The following CDH17 variants were observed in gnomAD, a reference collection of about 807,000 sequenced individuals.
CDH17 encodes the protein cadherin-17.
Under a neutral mutation model 86.3 loss-of-function variants are expected in CDH17, and 67 were observed. The ratio of observed to expected loss-of-function variants is 0.78; its 90% CI spans 0.64 to 0.95. The LOEUF (loss-of-function observed/expected upper bound fraction) is 0.95, where lower values mean the gene tolerates loss of function less well. Among genes scored for constraint, CDH17 ranks in the 40% least tolerant of loss-of-function variants. The pLI, the probability that CDH17 is intolerant of heterozygous loss-of-function variation, is 0.00. For synonymous variants in CDH17, 367 were observed against 366.4 expected (o/e 1.00, Z -0.02); for missense variants, 993 against 1,017.6 (o/e 0.98, Z 0.33).
intron 2 of CDH17, among the ~76,000 whole-genome samples, chr8:94,191,934 C>G (rs1198469492): frequency 6.6e-6 from 1 of 152,196 alleles, no homozygotes; most frequent in African/African-American, 2.4e-5. Context: ...GGACAGATGT[C>G]CAGGTACCAC....
At chr8:94,162,229 CAAGAAAAT>C in intron 10 of CDH17, 67 bp from the exon 11 acceptor site, 1 of 1,030,062 alleles carries the variant, frequency 9.7e-7, no homozygotes, top group Non-Finnish European at 1.5e-6. Flanking sequence ...CAGAAATCTG[CAAGAAAAT>C]ACTTGGCAAG....
intron 10 of CDH17, among the ~76,000 whole-genome samples, chr8:94,162,871 G>C (rs930334838): frequency 6.6e-6 from 1 of 152,190 alleles, no homozygotes; most frequent in Non-Finnish European, 1.5e-5. Context: ...CTGGGGGAGA[G>C]AGAACAAGAG....
chr8:94,200,929 C>T (rs1260746384), intron 1 of CDH17, among the ~76,000 whole-genome samples: 1 of 152,106 alleles, frequency 6.6e-6, no homozygotes, highest in African/African-American at 2.4e-5. Flanking sequence ...TAATATACCT[C>T]TTAAAGATGA....
At position 94,203,482 on chromosome 8, in the gene CDH17, C is replaced by T. The variant is rs528980748; in HGVS notation, c.-21+5001G>A. Among the ~76,000 whole-genome samples, 13 of 152,142 alleles carry T rather than the reference C, an allele frequency of 8.5e-5. 1 individual carries two copies. Among genetic ancestry groups the T allele is most frequent in the African/African-American group, 3.1e-4 (13 of 41,508 alleles). On this transcript the variant is annotated intron_variant, in intron 1 of 17. Transcript: ENST00000027335. ...CCTCCTCACTGTATATTGCTAAGAG[C>T]GGCATAAATTATAAGGCAAGGCCAG...
rs770030781 is a variant in CDH17 at position 94,165,970 on chromosome 8, C to T, written c.1073G>A (p.Ser358Asn). 6.2e-7 allele frequency: 1 copy of T among 1,607,264 alleles called. No individual in the cohort carries two copies. Among genetic ancestry groups the T allele is most frequent in the Non-Finnish European group, 8.5e-7 (1 of 1,173,968 alleles). Residue 358 changes from serine to asparagine, a missense_variant, in exon 10 of 18, where the codon AGT becomes AAT. Physicochemically the swap from Ser to Asn is conservative, Grantham distance 46. Coordinates refer to ENST00000027335, the MANE Select transcript of CDH17 (RefSeq NM_004063.4). ...GTCATGTGCAGTAAGGGTCCCGATA[C>T]TGTTACCTATGAGGAAGGAAAGAAG... Reference protein sequence around the residue: ...EVQENERLGNSIGTLTAHDRD... With the variant: ...EVQENERLGNNIGTLTAHDRD...
chr8:94,169,712 A>G (rs1366860953), intron 9 of CDH17, among the ~76,000 whole-genome samples: 3 of 152,230 alleles, frequency 2.0e-5, no homozygotes, highest in Non-Finnish European at 2.9e-5. Flanking sequence ...GAAACAGACA[A>G]GCATTGTCCC....
chr8:94,157,740 G>C (rs1218600804), intron 12 of CDH17, among the ~76,000 whole-genome samples: 1 of 152,008 alleles, frequency 6.6e-6, no homozygotes, highest in Non-Finnish European at 1.5e-5. Context: ...AACATAAGGA[G>C]ACCCCCATCT....
intron 15 of CDH17, among the ~76,000 whole-genome samples, chr8:94,137,854 T>G (rs954213351): frequency 1.3e-5 from 2 of 152,220 alleles, no homozygotes; most frequent in African/African-American, 2.4e-5. Context: ...GATTATTTTA[T>G]AAACACAATC....
At chr8:94,142,101 G>A (rs1174974414) in intron 15 of CDH17, among the ~76,000 whole-genome samples, 4 of 152,082 alleles carry the variant, frequency 2.6e-5, no homozygotes, top group Non-Finnish European at 4.4e-5. Flanking sequence ...GTAAAAAAAG[G>A]ATGTTTTAAA....
At chr8:94,200,544 T>TG (rs1563590344) in intron 1 of CDH17, among the ~76,000 whole-genome samples, 1 of 140,268 alleles carries the variant, frequency 7.1e-6, no homozygotes, top group African/African-American at 2.6e-5. Context: ...TTTGTTTTTT[T>TG]TTTTTTTTTT....
chr8:94,155,101 TAA>T lies in CDH17; in HGVS notation c.1552-2991_1552-2990del, dbSNP rs533381522. On this transcript the variant is annotated intron_variant, in intron 12 of 17. Coordinates refer to ENST00000027335, the MANE Select transcript of CDH17 (RefSeq NM_004063.4). ...ATCAATTGAAATTTGTTCAAATATA[TAA>T]GAGATAAAATCATGTAAGCCAGCTA... is the stretch of plus-strand genomic sequence containing the variant. 7.2e-5 allele frequency among the ~76,000 whole-genome samples: 11 copies of T among 152,150 alleles called. No individual in the cohort carries two copies. The East Asian group carries it at 2.1e-3, about 30-fold the overall frequency.
intron 15 of CDH17, among the ~76,000 whole-genome samples, chr8:94,131,678 C>T (rs1812418987): frequency 6.6e-6 from 1 of 151,734 alleles, no homozygotes; most frequent in South Asian, 2.1e-4. Context: ...AGGTTTGACC[C>T]TGTGTGGTTT....
chr8:94,190,141 T>C (rs1813658889), intron 2 of CDH17, among the ~76,000 whole-genome samples: 1 of 152,148 alleles, frequency 6.6e-6, no homozygotes, highest in Non-Finnish European at 1.5e-5. Flanking sequence ...TGGCAGAAAG[T>C]TACTATTGTT....
At chr8:94,204,568 C>T (rs766230117) in intron 1 of CDH17, among the ~76,000 whole-genome samples, 10 of 152,050 alleles carry the variant, frequency 6.6e-5, no homozygotes, top group Non-Finnish European at 1.5e-4. Flanking sequence ...TTGGTTGGCT[C>T]CAAGTCTTTG....
At chr8:94,135,449 A>T (rs1172063369) in intron 15 of CDH17, among the ~76,000 whole-genome samples, 3 of 152,128 alleles carry the variant, frequency 2.0e-5, no homozygotes, top group Admixed American at 6.5e-5. Flanking sequence ...GTTGGTTTAA[A>T]GTCTGTTTTA....
intron 1 of CDH17, among the ~76,000 whole-genome samples, chr8:94,200,797 G>T (rs1002094869): frequency 1.3e-5 from 2 of 151,910 alleles, no homozygotes; most frequent in Non-Finnish European, 2.9e-5. Flanking sequence ...CATCCAGCCC[G>T]GATAACGACA....
intron 15 of CDH17, 120 bp downstream of exon 15, chr8:94,145,808 A>G: frequency 8.8e-7 from 1 of 1,130,134 alleles, no homozygotes; most frequent in Non-Finnish European, 1.3e-6. Context: ...CCAAAGCATG[A>G]ACTTCCTTCC....
chr8:94,175,161 C>T (rs1360606910), intron 5 of CDH17, among the ~76,000 whole-genome samples: 1 of 152,140 alleles, frequency 6.6e-6, no homozygotes, highest in Non-Finnish European at 1.5e-5. Flanking sequence ...AAGCCTTTAC[C>T]AGGACACCAC....
At chr8:94,138,325 G>C (rs1812572984) in intron 15 of CDH17, among the ~76,000 whole-genome samples, 1 of 152,040 alleles carries the variant, frequency 6.6e-6, no homozygotes, top group South Asian at 2.1e-4. Flanking sequence ...TGAAACCATG[G>C]GTTTAAAGAT....
Sources: gnomAD v4.1 joint callset for allele counts (sites outside exome capture counted in the v4.1 genomes callset) on GRCh38, gnomAD v4.1.1 for gene constraint, MANE v1.5 for transcripts, NCBI Gene and HGNC (gene_info 2026-07-23, HGNC 2026-07-21) for gene names.